LMBRD1: variants seen among roughly 807,000 people sequenced by gnomAD.
LMBRD1 encodes lysosomal cobalamin transport escort protein LMBD1.
A neutral mutation model predicts 74.8 loss-of-function variants in LMBRD1; 64 were observed. That is an observed-to-expected ratio of 0.86 (90% CI 0.70 to 1.05). LMBRD1 has a LOEUF of 1.05. Among genes scored for constraint, LMBRD1 ranks in the 50% least tolerant of loss-of-function variants. LMBRD1 has a pLI of 0.00. For missense variants in LMBRD1, 652 were observed against 645.9 expected (o/e 1.01, Z -0.10); for synonymous variants, 204 against 216.3 (o/e 0.94, Z 0.50).
intron 1 of LMBRD1, among the ~76,000 whole-genome samples, chr6:69,792,662 T>C (rs1252507634): frequency 1.3e-5 from 2 of 152,244 alleles, no homozygotes; most frequent in Non-Finnish European, 2.9e-5. Context: ...TGAGCTTGTT[T>C]TTAAAGGAAT....
intron 13 of LMBRD1, 94 bp downstream of exon 13, chr6:69,698,949 A>G (rs887771276): frequency 8.6e-6 from 7 of 811,264 alleles, no homozygotes; most frequent in Non-Finnish European, 1.4e-5. Flanking sequence ...CTGATGAGCT[A>G]ATATCTTATG....
chr6:69,790,232 C>T (rs548931492), intron 2 of LMBRD1, 64 bp downstream of exon 2: 9 of 1,060,952 alleles, frequency 8.5e-6, no homozygotes, highest in South Asian at 5.3e-5. Flanking sequence ...CAATATGTAT[C>T]GGACTGCCAA....
intron 2 of LMBRD1, among the ~76,000 whole-genome samples, chr6:69,787,426 C>G (rs1290002939): frequency 6.6e-6 from 1 of 152,022 alleles, no homozygotes; most frequent in Non-Finnish European, 1.5e-5. Flanking sequence ...TAAAAGCAAA[C>G]AGAACTAGAG....
intron 3 of LMBRD1, among the ~76,000 whole-genome samples, chr6:69,777,691 A>G (rs564715806): frequency 8.6e-5 from 13 of 152,046 alleles, no homozygotes; most frequent in East Asian, 3.9e-4. Flanking sequence ...CAAAAAAAAA[A>G]AGGGGGAGAG....
At chr6:69,697,764 TG>T (rs1766038221) in intron 13 of LMBRD1, 123 bp from the exon 14 acceptor site, 3 of 599,556 alleles carry the variant, frequency 5.0e-6, no homozygotes, top group Admixed American at 5.9e-5. Context: ...CATTCCAAAA[TG>T]TAAATTTTGT....
intron 1 of LMBRD1, among the ~76,000 whole-genome samples, chr6:69,791,545 C>T (rs1052602473): frequency 5.9e-5 from 9 of 152,172 alleles, no homozygotes; most frequent in African/African-American, 2.2e-4. Flanking sequence ...ACTTGAGAAC[C>T]ATTGTTCTAA....
Position 69,737,288 on chromosome 6 carries a change from T to C in LMBRD1, c.636+654A>G, listed in dbSNP as rs1766996778. 2.0e-5 allele frequency among the ~76,000 whole-genome samples: 3 copies of C among 152,228 alleles called. 1 individual carries two copies. The South Asian group carries it at 6.2e-4, about 32-fold the overall frequency. On this transcript the variant is annotated intron_variant, in intron 7 of 15. Coordinates refer to ENST00000649934, the MANE Select transcript of LMBRD1 (RefSeq NM_018368.4). Reference sequence around the variant, plus strand: ...AGATAGGTAATAAAGAAGCATTTATTACTAGCTTTTTATCTACAATGTGAG... The same window carrying C: ...AGATAGGTAATAAAGAAGCATTTATCACTAGCTTTTTATCTACAATGTGAG...
chr6:69,678,833 T>C (rs966729782), intron 14 of LMBRD1, among the ~76,000 whole-genome samples: 3 of 152,120 alleles, frequency 2.0e-5, no homozygotes, highest in Non-Finnish European at 4.4e-5. Context: ...AATAACACTT[T>C]TTTTGTTCCT....
Position 69,758,410 on chromosome 6 carries a change from A to C in LMBRD1, c.308-6054T>G, listed in dbSNP as rs867747415. Among the ~76,000 whole-genome samples, 38 of 152,266 alleles carry C rather than the reference A, an allele frequency of 2.5e-4. 1 individual carries two copies. The highest frequency in any genetic ancestry group is 8.4e-4 in the African/African-American group (35 of 41,550). ...CTCCTGAGTCGAGACTGATAGTTGCATATCTATACCCATTTCCTTTCAGCT... is the reference window on the plus strand; with the variant it reads ...CTCCTGAGTCGAGACTGATAGTTGCCTATCTATACCCATTTCCTTTCAGCT... On this transcript the variant is annotated intron_variant, in intron 3 of 15. Coordinates refer to ENST00000649934, the MANE Select transcript of LMBRD1 (RefSeq NM_018368.4).
intron 3 of LMBRD1, among the ~76,000 whole-genome samples, chr6:69,771,068 T>C (rs1765565998): frequency 6.6e-6 from 1 of 152,214 alleles, no homozygotes; most frequent in South Asian, 2.1e-4. Context: ...ACTAGTTATC[T>C]ACTACCATGT....
chr6:69,677,181 G>C (rs1440190928), intron 14 of LMBRD1, among the ~76,000 whole-genome samples: 2 of 152,170 alleles, frequency 1.3e-5, no homozygotes, highest in African/African-American at 4.8e-5. Context: ...AGAGTAATTG[G>C]ACAAAAGTGT....
At chr6:69,769,742 GT>G (rs58498427) in intron 3 of LMBRD1, among the ~76,000 whole-genome samples, 4,595 of 144,878 alleles carry the variant, frequency 0.032, 191 homozygotes, top group East Asian at 0.18. Flanking sequence ...TTTTTTTAGT[GT>G]TTTTTTTTTT....
intron 1 of LMBRD1, among the ~76,000 whole-genome samples, chr6:69,793,995 C>T (rs866602416): frequency 2.6e-5 from 4 of 152,228 alleles, no homozygotes; most frequent in Middle Eastern, 3.4e-3. Flanking sequence ...GCTGGGATTA[C>T]AGGTGTGAGC....
Position 69,796,963 on chromosome 6 carries a change from G to T in LMBRD1, c.-82C>A. On this transcript the variant is annotated 5_prime_UTR_variant, in exon 1 of 16. Transcript: ENST00000649934. ...AAGGGGAGAGAGCGCGAGATATACT[G>T]CACCCGCGCACCCTAAAGGTTAAAG... 3.4e-6 allele frequency: 4 copies of T among 1,159,946 alleles called. No homozygotes were observed. The highest frequency in any genetic ancestry group is 5.1e-6 in the Non-Finnish European group (4 of 789,332). 71.9% of individuals were successfully genotyped at this position (1,159,946 alleles called of 1,614,324 possible). A position where few individuals can be genotyped will look rare whatever the true frequency, so the allele number is the denominator to read the frequency against.
chr6:69,705,476 TTC>T, intron 9 of LMBRD1: 4 of 1,282,188 alleles, frequency 3.1e-6, no homozygotes, highest in Non-Finnish European at 4.5e-6. Flanking sequence ...TAGGAGATTT[TTC>T]CTGTTTTTTG....
chr6:69,702,815 TA>T, intron 9 of LMBRD1, among the ~76,000 whole-genome samples: 1 of 152,200 alleles, frequency 6.6e-6, no homozygotes, highest in East Asian at 1.9e-4. Context: ...GGAATTGATA[TA>T]AATAGATCAA....
At chr6:69,760,619 A>G (rs1765354058) in intron 3 of LMBRD1, among the ~76,000 whole-genome samples, 1 of 152,218 alleles carries the variant, frequency 6.6e-6, no homozygotes, top group Non-Finnish European at 1.5e-5. Flanking sequence ...GGCTCCTGAT[A>G]ACCCTGCTTC....
chr6:69,752,362 G>A lies in LMBRD1; in HGVS notation c.308-6C>T, dbSNP rs1765177078. 1 of 1,600,186 alleles carries A rather than the reference G, an allele frequency of 6.2e-7. No homozygotes were observed. The highest frequency in any genetic ancestry group is 1.7e-5 in the Admixed American group (1 of 59,832). On this transcript the variant is annotated splice_polypyrimidine_tract_variant and splice_region_variant and intron_variant, in intron 3 of 15. Transcript: ENST00000649934. The stretch of plus-strand genomic sequence containing the variant: ...CAATATAACAGAATATAAAGCTGTG[G>A]AAATAAATAATAAACCGAGCTTTAC...
At chr6:69,732,907 TAGTA>T (rs145184701) in intron 7 of LMBRD1, among the ~76,000 whole-genome samples, 3 of 152,280 alleles carry the variant, frequency 2.0e-5, no homozygotes, top group South Asian at 2.1e-4. Context: ...TTTTTAAATT[TAGTA>T]AGTATCAATT....
Sources: gnomAD v4.1 joint callset for allele counts (sites outside exome capture counted in the v4.1 genomes callset) on GRCh38, gnomAD v4.1.1 for gene constraint, MANE v1.5 for transcripts, NCBI Gene and HGNC (gene_info 2026-07-23, HGNC 2026-07-21) for gene names.